The following BMP6 variants were observed in gnomAD, a reference collection of about 807,000 sequenced individuals.
BMP6 encodes bone morphogenetic protein 6, also known as VG-1-R.
A neutral mutation model predicts 54.1 loss-of-function variants in BMP6; 17 were observed. That is an observed-to-expected ratio of 0.31 (90% CI 0.22 to 0.47). The LOEUF (loss-of-function observed/expected upper bound fraction) is 0.47. Ranked by LOEUF, BMP6 falls within the 20% of genes least tolerant of loss-of-function variation. The probability of loss-of-function intolerance (pLI) is 1.00; values close to 1 mark genes in which losing one functional copy is unlikely to be tolerated. For synonymous variants in BMP6, 328 were observed against 291.2 expected (o/e 1.13, Z -1.28); for missense variants, 720 against 690.4 (o/e 1.04, Z -0.48).
At chr6:7,867,813 A>G (rs1338835120) in intron 4 of BMP6, among the ~76,000 whole-genome samples, 1 of 152,248 alleles carries the variant, frequency 6.6e-6, no homozygotes, top group East Asian at 1.9e-4. Context: ...CAAAAGCTTC[A>G]CTTCTATCAT....
In BMP6 at chr6:7,727,228, C is replaced by G. The variant is rs779625403; in HGVS notation, c.273C>G (p.His91Gln). ...TCTTGTCGGTGCTGGGGCTCCCGCA[C>G]CGGCCCCGGCCCCTGCACGGCCTCC... The part of the protein sequence containing the change: ...KEILSVLGLP[H>Q]RPRPLHGLQQ... The change falls in exon 1 of 7, where the codon CAC (histidine) becomes CAG (glutamine). Residue 91 changes from histidine (H) to glutamine (Q), a missense_variant. Transcript: ENST00000283147. The G allele has an allele frequency of 1.2e-6, 2 of 1,605,552 alleles. No individual in the cohort carries two copies. The highest frequency in any genetic ancestry group is 1.7e-6 in the Non-Finnish European group (2 of 1,176,792).
intron 1 of BMP6, among the ~76,000 whole-genome samples, chr6:7,759,696 C>CTTTTTTTTTTTTT (rs71542880): frequency 4.8e-4 from 30 of 62,148 alleles, no homozygotes; most frequent in South Asian, 1.3e-3. Context: ...CTTTCTTCTT[C>CTTTTTTTTTTTTT]TTTTTTTTTT....
rs1360694530 is a variant in BMP6, at chr6:7,726,529, C to G, written c.-427C>G. Among the ~76,000 whole-genome samples the G allele has an allele frequency of 6.6e-6, 1 of 152,162 alleles. No homozygotes were observed. Among genetic ancestry groups the G allele is most frequent in the East Asian group, 1.9e-4 (1 of 5,164 alleles). ...GCAGCTCGTGAGCGGCCCCGCTCCC[C>G]GCTGCCCCGGGTCCCACTCAGTCGC... On this transcript the variant is annotated 5_prime_UTR_variant, in exon 1 of 7. Transcript: ENST00000283147.
chr6:7,853,949 T>A (rs768519793), intron 2 of BMP6, among the ~76,000 whole-genome samples: 7 of 151,684 alleles, frequency 4.6e-5, no homozygotes, highest in Non-Finnish European at 1.0e-4. Flanking sequence ...GACCTTCTTG[T>A]TCCTCAGCCT....
intron 1 of BMP6, among the ~76,000 whole-genome samples, chr6:7,769,670 C>A (rs936720049): frequency 6.6e-6 from 1 of 152,110 alleles, no homozygotes; most frequent in Non-Finnish European, 1.5e-5. Context: ...GGGGAAGAAA[C>A]AATTTAGAAA....
chr6:7,733,061 G>T (rs1761894945), intron 1 of BMP6, among the ~76,000 whole-genome samples: 1 of 137,304 alleles, frequency 7.3e-6, no homozygotes, highest in African/African-American at 2.8e-5. Flanking sequence ...ACCACACCTG[G>T]CTAATATTTT....
chr6:7,727,569 A>G lies in BMP6; in HGVS notation c.614A>G (p.Asp205Gly), dbSNP rs764548084. ...GCGTCCCCACTGACCAGCGCGCAGG[A>G]CAGCGCCTTCCTCAACGACGCGGAC... ...GGASPLTSAQ[D>G]SAFLNDADMV... Residue 205 changes from aspartate (D) to glycine (G), a missense_variant, in exon 1 of 7, where the codon GAC (aspartate) becomes GGC (glycine). Asp to Gly is a moderately conservative substitution (Grantham distance 94, BLOSUM62 -1). Transcript: ENST00000283147. 8 of 1,587,066 alleles carry G rather than the reference A, an allele frequency of 5.0e-6. No homozygotes were observed. Among genetic ancestry groups the G allele is most frequent in the African/African-American group, 1.3e-5 (1 of 74,074 alleles).
chr6:7,864,411 A>G (rs886450470), intron 4 of BMP6, among the ~76,000 whole-genome samples: 68 of 152,218 alleles, frequency 4.5e-4, no homozygotes, highest in Non-Finnish European at 5.4e-4. Flanking sequence ...GGCTCATAAT[A>G]GCACTCAAAG....
intron 1 of BMP6, among the ~76,000 whole-genome samples, chr6:7,749,254 A>G (rs1398277681): frequency 6.6e-6 from 1 of 152,128 alleles, no homozygotes; most frequent in Non-Finnish European, 1.5e-5. Context: ...TTTCTAACCA[A>G]CTGTTGTTTT....
chr6:7,746,835 G>A (rs149410263), intron 1 of BMP6, among the ~76,000 whole-genome samples: 1 of 152,316 alleles, frequency 6.6e-6, no homozygotes, highest in East Asian at 1.9e-4. Context: ...TCATCAGTGA[G>A]CTGGGCCTTG....
At chr6:7,855,821 G>A (rs1434772001) in intron 2 of BMP6, among the ~76,000 whole-genome samples, 1 of 151,788 alleles carries the variant, frequency 6.6e-6, no homozygotes, top group African/African-American at 2.4e-5. Flanking sequence ...GAGCCACCAT[G>A]CCCTGCCCAC....
chr6:7,834,746 A>T (rs1758847698), intron 1 of BMP6, among the ~76,000 whole-genome samples: 1 of 152,242 alleles, frequency 6.6e-6, no homozygotes. Context: ...AGTGAAGGAG[A>T]GAACTGGTAA....
intron 2 of BMP6, among the ~76,000 whole-genome samples, chr6:7,850,787 T>C (rs1267695032): frequency 1.3e-5 from 2 of 152,166 alleles, no homozygotes; most frequent in African/African-American, 4.8e-5. Flanking sequence ...CAGTAGGAGA[T>C]TGTTGAGACC....
intron 1 of BMP6, among the ~76,000 whole-genome samples, chr6:7,761,129 T>G (rs1319340319): frequency 6.6e-6 from 1 of 152,278 alleles, no homozygotes; most frequent in African/African-American, 2.4e-5. Context: ...TATTTTATGC[T>G]TTTCTATGTC....
intron 1 of BMP6, among the ~76,000 whole-genome samples, chr6:7,805,973 A>G (rs1758341644): frequency 6.6e-6 from 1 of 152,236 alleles, no homozygotes. Flanking sequence ...ATTACTGCTG[A>G]AGTGTGAAGT....
chr6:7,860,875 A>G (rs1174999665), intron 2 of BMP6, among the ~76,000 whole-genome samples: 1 of 152,208 alleles, frequency 6.6e-6, no homozygotes, highest in Non-Finnish European at 1.5e-5. Context: ...AGCAAAGCCC[A>G]GTTTATAAAT....
intron 4 of BMP6, among the ~76,000 whole-genome samples, chr6:7,870,410 T>C (rs1759505284): frequency 1.3e-5 from 2 of 152,166 alleles, no homozygotes; most frequent in South Asian, 2.1e-4. Flanking sequence ...TGGCAAAGTA[T>C]TGGAAAAATG....
intron 2 of BMP6, among the ~76,000 whole-genome samples, chr6:7,851,306 G>C (rs1212356918): frequency 6.6e-6 from 1 of 152,100 alleles, no homozygotes; most frequent in Non-Finnish European, 1.5e-5. Flanking sequence ...TTTTTTGTAT[G>C]TCTTGAACAT....
chr6:7,813,108 A>AAAAAAAAAAAT (rs1554122651), intron 1 of BMP6, among the ~76,000 whole-genome samples: 6 of 21,494 alleles, frequency 2.8e-4, no homozygotes, highest in African/African-American at 3.9e-4. Flanking sequence ...AAAAAAAAAA[A>AAAAAAAAAAAT]ATATATATAT....
Sources: allele counts gnomAD v4.1 joint callset (sites outside exome capture counted in the v4.1 genomes callset), GRCh38; gene constraint gnomAD v4.1.1; transcripts MANE v1.5; gene names NCBI Gene and HGNC (gene_info 2026-07-23, HGNC 2026-07-21).